The following DMRT2 variants were observed in gnomAD, a reference collection of about 807,000 sequenced individuals.
The protein encoded by DMRT2 is doublesex- and mab-3-related transcription factor 2.
DMRT2 carries 33 observed loss-of-function variants against 43.5 expected under a neutral mutation model. The observed-to-expected ratio is 0.76, with a 90% CI of 0.58 to 1.01. The LOEUF is 1.01. Among genes scored for constraint, DMRT2 ranks in the 50% least tolerant of loss-of-function variants. The probability of loss-of-function intolerance (pLI) is 0.00; values close to 1 mark genes in which losing one functional copy is unlikely to be tolerated. For missense variants in DMRT2, 1,064 were observed against 748.0 expected, an observed-to-expected ratio of 1.42 and a Z score of -4.93; for synonymous variants, 395 against 309.2, an observed-to-expected ratio of 1.28 and a Z score of -2.91.
rs1047854753 is a variant in DMRT2, at chr9:1,051,888, C to T, written c.275C>T (p.Pro92Leu). The change falls in exon 2 of 4, where the codon CCT (proline) becomes CTT (leucine). Residue 92 changes from proline (P) to leucine (L), a missense_variant. Coordinates refer to ENST00000358146, the MANE Select transcript of DMRT2 (RefSeq NM_181872.6). This position sits in a 1 kb window ranked among gnomAD's most constrained non-coding sequence, Gnocchi z 5.9. ...CCGCAGCCGAGGCCGCCGCTCGCGCCTCAGGCCTCACCCGCCGGCACCGGT... is the reference window on the plus strand; with the variant it reads ...CCGCAGCCGAGGCCGCCGCTCGCGCTTCAGGCCTCACCCGCCGGCACCGGT... ...GGPQPRPPLA[P>L]QASPAGTGPR... 1 of 1,378,282 alleles carries T rather than the reference C, an allele frequency of 7.3e-7. No individual in the cohort carries two copies. Among genetic ancestry groups the T allele is most frequent in the South Asian group, 1.7e-5 (1 of 58,476 alleles). The allele number at this position is 1,378,282 out of a possible 1,614,324, so 85.4% of individuals were successfully genotyped here.
rs994588464 is a variant in DMRT2, at chr9:1,051,970, C to G, written c.357C>G (p.Arg119=). The change falls in exon 2 of 4, where the codon CGC becomes CGG. Residue 119 remains arginine, a synonymous_variant. Transcript: ENST00000358146. This position sits in a 1 kb window ranked among gnomAD's most constrained non-coding sequence, Gnocchi z 5.9. ...GGGAEPRKLS[R]TPKCARCRNH... ...GCGCGGAGCCGCGCAAGCTGAGCCG[C>G]ACGCCCAAGTGCGCGCGCTGCCGCA... The G allele has an allele frequency of 7.0e-7, 1 of 1,426,158 alleles. No homozygotes were observed. Among genetic ancestry groups the G allele is most frequent in the South Asian group, 1.4e-5 (1 of 69,302 alleles). The allele number at this position is 1,426,158 out of a possible 1,614,324, so 88.3% of individuals were successfully genotyped here.
At chr9:1,052,743 C>T (rs1821688215) in intron 2 of DMRT2, among the ~76,000 whole-genome samples, 1 of 152,182 alleles carries the variant, frequency 6.6e-6, no homozygotes, top group Non-Finnish European at 1.5e-5. Context: ...TGCTGCTTCC[C>T]ATCGGAGGAC....
intron 3 of DMRT2, 93 bp downstream of exon 3, chr9:1,053,917 C>A: frequency 1.8e-6 from 2 of 1,085,794 alleles, no homozygotes; most frequent in Non-Finnish European, 2.7e-6. Context: ...TGTGAAAGAG[C>A]TATCTAAAGG....
chr9:1,053,577 G>T, intron 2 of DMRT2, 145 bp from the exon 3 acceptor site: 1 of 746,502 alleles, frequency 1.3e-6, no homozygotes, highest in Non-Finnish European at 2.2e-6. Context: ...TAATTCGTTT[G>T]TAATTATTTT....
rs769507886 is a variant in DMRT2 at position 1,056,719 on chromosome 9, T to C, written c.1132T>C (p.Leu378=). 2 of 1,613,998 alleles carry C rather than the reference T, an allele frequency of 1.2e-6. No homozygotes were observed. Among genetic ancestry groups the C allele is most frequent in the South Asian group, 2.2e-5 (2 of 91,080 alleles). ...QALKPGASWD[L]KGARVQDGLS... is the part of the protein sequence containing the mutation. ...CCTGAAGCCTGGGGCCAGCTGGGAC[T>C]TGAAGGGAGCACGAGTCCAGGATGG... The change falls in exon 4 of 4, where the codon TTG becomes CTG. Residue 378 remains leucine, a synonymous_variant. Transcript: ENST00000358146.
chr9:1,055,799 G>C (rs1821940915), intron 3 of DMRT2: 1 of 1,505,328 alleles, frequency 6.6e-7, no homozygotes, highest in African/African-American at 1.5e-5. Flanking sequence ...ATCAGCTCTA[G>C]GTATAGATAT....
rs1586730118 is a variant in DMRT2 at position 1,051,543 on chromosome 9, T to G, written c.-44-27T>G. On this transcript the variant is annotated intron_variant, in intron 1 of 3. Coordinates refer to ENST00000358146, the MANE Select transcript of DMRT2 (RefSeq NM_181872.6). The surrounding 1 kb of genome is among the most constrained non-coding windows in gnomAD (Gnocchi z 5.9). ...ATGGTCCCTGACGGCGGCCGGTGGG[T>G]CTTTGGATTTCTTTGTGTTTCCCCA... 1 of 1,434,404 alleles carries G rather than the reference T, an allele frequency of 7.0e-7. No individual in the cohort carries two copies. Among genetic ancestry groups the G allele is most frequent in the Non-Finnish European group, 9.1e-7 (1 of 1,103,944 alleles). The allele number at this position is 1,434,404 out of a possible 1,614,324, so 88.9% of individuals were successfully genotyped here.
chr9:1,057,372 T>C lies in DMRT2; in HGVS notation c.*99T>C. On this transcript the variant is annotated 3_prime_UTR_variant, in exon 4 of 4. Coordinates refer to ENST00000358146, the MANE Select transcript of DMRT2 (RefSeq NM_181872.6). ...GTTAAGATGTTTGTGTAAAGAAATTTCTAATGTAAAGATGATGATTTTGAA... is the reference window on the plus strand; with the variant it reads ...GTTAAGATGTTTGTGTAAAGAAATTCCTAATGTAAAGATGATGATTTTGAA... 7.3e-7 allele frequency: 1 copy of C among 1,378,974 alleles called. No homozygotes were observed. Among genetic ancestry groups the C allele is most frequent in the Non-Finnish European group, 9.7e-7 (1 of 1,032,772 alleles). 85.4% of individuals were successfully genotyped at this position (1,378,974 alleles called of 1,614,324 possible). A position where few individuals can be genotyped will look rare whatever the true frequency, so the allele number is the denominator to read the frequency against.
In DMRT2 at chr9:1,056,259, C is replaced by T; in HGVS notation, c.672C>T (p.Phe224=). Residue 224 remains phenylalanine, a synonymous_variant, in exon 4 of 4, where the codon TTC becomes TTT. Coordinates refer to ENST00000358146, the MANE Select transcript of DMRT2 (RefSeq NM_181872.6). ...IPAETYVGGT[F]PLPPPVSDRM... Reference sequence around the variant, plus strand: ...CGGAGACTTATGTAGGAGGGACCTTCCCTCTACCTCCCCCAGTTAGTGACA... The same window carrying T: ...CGGAGACTTATGTAGGAGGGACCTTTCCTCTACCTCCCCCAGTTAGTGACA... 1 of 1,614,072 alleles carries T rather than the reference C, an allele frequency of 6.2e-7. No individual in the cohort carries two copies. The highest frequency in any genetic ancestry group is 1.1e-5 in the South Asian group (1 of 91,068).
Position 1,051,667 on chromosome 9 carries a change from G to A in DMRT2, c.54G>A (p.Glu18=), listed in dbSNP as rs892850530. The A allele has an allele frequency of 1.9e-6, 3 of 1,570,474 alleles. No homozygotes were observed. Among genetic ancestry groups the A allele is most frequent in the South Asian group, 1.1e-5 (1 of 87,410 alleles). Reference sequence around the variant, plus strand: ...CCGGGGACTGGGAGATCGATGTCGAGAGCCTGGAGCTGGAAGAGGACGTCT... The same window carrying A: ...CCGGGGACTGGGAGATCGATGTCGAAAGCCTGGAGCTGGAAGAGGACGTCT... The part of the protein sequence containing the change: ...SAAGDWEIDV[E]SLELEEDVCG... Residue 18 remains glutamate (E), a synonymous_variant, in exon 2 of 4, where the codon GAG becomes GAA. Transcript: ENST00000358146. This position sits in a 1 kb window ranked among gnomAD's most constrained non-coding sequence, Gnocchi z 5.9.
Position 1,056,916 on chromosome 9 carries a change from C to G in DMRT2, c.1329C>G (p.Asp443Glu). 6.2e-7 allele frequency: 1 copy of G among 1,614,184 alleles called. No individual in the cohort carries two copies. The highest frequency in any genetic ancestry group is 1.1e-5 in the South Asian group (1 of 91,072). Residue 443 changes from aspartate to glutamate, a missense_variant, in exon 4 of 4, where the codon GAC (aspartate) becomes GAG (glutamate). Transcript: ENST00000358146. ...RRNFSPIVDT[D>E]SLAAQGHVLT... ...ATTTCTCTCCCATTGTTGACACGGACTCCCTGGCAGCTCAAGGGCATGTCT... is the reference window on the plus strand; with the variant it reads ...ATTTCTCTCCCATTGTTGACACGGAGTCCCTGGCAGCTCAAGGGCATGTCT...
In DMRT2 at chr9:1,050,510, G is replaced by T. The variant is rs1373635425; in HGVS notation, c.-310G>T. On this transcript the variant is annotated 5_prime_UTR_variant, in exon 1 of 4. Coordinates refer to ENST00000358146, the MANE Select transcript of DMRT2 (RefSeq NM_181872.6). The stretch of plus-strand genomic sequence containing the variant: ...GAGGCGCCCGAGGCTGCAGAAGACC[G>T]AGCAGAACTTTGCAGAGTTCGGGAT... 1.3e-5 allele frequency: 2 copies of T among 152,352 alleles called. No individual in the cohort carries two copies. The highest frequency in any genetic ancestry group is 4.8e-5 in the African/African-American group (2 of 41,456). The allele number at this position is 152,352 out of a possible 1,614,324, so 9.4% of individuals were successfully genotyped here. A position where few individuals can be genotyped will look rare whatever the true frequency, so the allele number is the denominator to read the frequency against.
rs758428225 is a variant in DMRT2, at chr9:1,056,534, C to T, written c.947C>T (p.Ser316Phe). The change falls in exon 4 of 4, where the codon TCT becomes TTT. Residue 316 changes from serine to phenylalanine, a missense_variant. By Grantham distance (155) the Ser-to-Phe change is radical. Transcript: ENST00000358146. ...GATTTAACCATGCAGTATTCAGGGTCTGGGAATATGGAACTAATTTCTTCT... is the reference window on the plus strand; with the variant it reads ...GATTTAACCATGCAGTATTCAGGGTTTGGGAATATGGAACTAATTTCTTCT... ...CLDLTMQYSG[S>F]GNMELISSNV... 1 of 1,614,070 alleles carries T rather than the reference C, an allele frequency of 6.2e-7. No homozygotes were observed. Among genetic ancestry groups the T allele is most frequent in the Non-Finnish European group, 8.5e-7 (1 of 1,180,032 alleles).
rs757751363 is a variant in DMRT2 at position 1,056,830 on chromosome 9, A to C, written c.1243A>C (p.Ser415Arg). The C allele has an allele frequency of 1.6e-5, 26 of 1,614,052 alleles. No individual in the cohort carries two copies. The highest frequency in any genetic ancestry group is 2.2e-5 in the Non-Finnish European group (26 of 1,180,042). ...CACTCCTGAGATCCAGACCACGAGA[A>C]GTGACCTTCAGGGTCATCAGGCTGT... The part of the protein sequence containing the change: ...PHTPEIQTTR[S>R]DLQGHQAVPE... The change falls in exon 4 of 4, where the codon AGT (serine) becomes CGT (arginine). Residue 415 changes from serine (S) to arginine (R), a missense_variant. Transcript: ENST00000358146.
In DMRT2 at chr9:1,056,627, G is replaced by A; in HGVS notation, c.1040G>A (p.Cys347Tyr). 1 of 1,614,168 alleles carries A rather than the reference G, an allele frequency of 6.2e-7. No individual in the cohort carries two copies. The change falls in exon 4 of 4, where the codon TGT becomes TAT. Residue 347 changes from cysteine to tyrosine, a missense_variant. By Grantham distance (194) the Cys-to-Tyr change is radical. Coordinates refer to ENST00000358146, the MANE Select transcript of DMRT2 (RefSeq NM_181872.6). ...LSSRFLVWPKCGPISDTLLYQ... is the reference protein window; with the variant it reads ...LSSRFLVWPKYGPISDTLLYQ... Reference sequence around the variant, plus strand: ...TCAAGATTTTTAGTTTGGCCCAAGTGTGGCCCCATTAGCGACACCCTCCTC... The same window carrying A: ...TCAAGATTTTTAGTTTGGCCCAAGTATGGCCCCATTAGCGACACCCTCCTC...
Position 1,052,011 on chromosome 9 carries a change from C to T in DMRT2, c.398C>T (p.Ser133Phe). The T allele has an allele frequency of 6.8e-7, 1 of 1,471,568 alleles. No individual in the cohort carries two copies. 91.2% of individuals were successfully genotyped at this position (1,471,568 alleles called of 1,614,324 possible). ...CARCRNHGVV[S>F]CLKGHKRFCR... The stretch of plus-strand genomic sequence containing the variant: ...CGCTGCCGCAACCACGGCGTGGTGT[C>T]CTGCCTGAAGGGCCACAAGCGCTTC... Residue 133 changes from serine to phenylalanine, a missense_variant, in exon 2 of 4, where the codon TCC becomes TTC. Transcript: ENST00000358146.
chr9:1,054,127 G>C (rs1821806672), intron 3 of DMRT2, among the ~76,000 whole-genome samples: 1 of 152,164 alleles, frequency 6.6e-6, no homozygotes, highest in Admixed American at 6.5e-5. Flanking sequence ...CTATTATTTG[G>C]TTGTCTGCTT....
chr9:1,057,151 G>A lies in DMRT2; in HGVS notation c.1564G>A (p.Ala522Thr), dbSNP rs758427884. ...GTACACATTTACAATAGATAGATGT[G>A]CAAAAGACCTTTTTGTAGCCAAACA... ...QKYTFTIDRCAKDLFVAKQVG... is the reference protein window; with the variant it reads ...QKYTFTIDRCTKDLFVAKQVG... The change falls in exon 4 of 4, where the codon GCA becomes ACA. Residue 522 changes from alanine (A) to threonine (T), a missense_variant. Transcript: ENST00000358146. The A allele has an allele frequency of 1.9e-6, 3 of 1,614,008 alleles. No homozygotes were observed. Among genetic ancestry groups the A allele is most frequent in the Admixed American group, 1.7e-5 (1 of 59,996 alleles).
Position 1,057,121 on chromosome 9 carries a change from C to T in DMRT2, c.1534C>T (p.Gln512Ter). The change falls in exon 4 of 4, where the codon CAG becomes TAG. Residue 512 changes from glutamine to a stop codon, truncating the protein, a stop_gained. Transcript: ENST00000358146. LOFTEE classifies it high-confidence loss of function. ...KHRECLVKDNQKYTFTIDRCA... is the reference protein window; with the variant it reads ...KHRECLVKDN ...CAGAGAGTGTTTAGTTAAGGACAAC[C>T]AGAAGTACACATTTACAATAGATAG... The T allele has an allele frequency of 1.9e-6, 3 of 1,613,984 alleles. No individual in the cohort carries two copies. Among genetic ancestry groups the T allele is most frequent in the Non-Finnish European group, 2.5e-6 (3 of 1,180,018 alleles).
Sources: gnomAD v4.1 joint callset for allele counts (sites outside exome capture counted in the v4.1 genomes callset) on GRCh38, gnomAD v4.1.1 for gene constraint, Gnocchi (gnomAD v3.1) non-coding constraint, MANE v1.5 for transcripts, NCBI Gene and HGNC (gene_info 2026-07-23, HGNC 2026-07-21) for gene names.